RANBP2: variants seen among roughly 807,000 people sequenced by gnomAD.
The protein encoded by RANBP2 is E3 SUMO-protein ligase RanBP2.
A neutral mutation model predicts 303.6 loss-of-function variants in RANBP2; 57 were observed. The observed-to-expected ratio is 0.19, with a 90% CI of 0.15 to 0.23. The LOEUF (loss-of-function observed/expected upper bound fraction) is 0.23. Ranked by LOEUF, RANBP2 falls within the 10% of genes least tolerant of loss-of-function variation. The pLI is 1.00. For missense variants in RANBP2, 3,138 were observed against 3,780.8 expected (o/e 0.83, Z 4.46); for synonymous variants, 1,167 against 1,301.5 (o/e 0.90, Z 2.23).
At chr2:109,677,973 G>A in the RANBP2 span, among the ~76,000 whole-genome samples, 2 of 152,214 alleles carry the variant, frequency 1.3e-5, no homozygotes, top group Non-Finnish European at 2.9e-5. Context: ...GAATGCCTGT[G>A]ACCAGAGGGG....
chr2:108,811,601 C>A, the RANBP2 span, among the ~76,000 whole-genome samples: 1 of 151,900 alleles, frequency 6.6e-6, no homozygotes, highest in Non-Finnish European at 1.5e-5. Context: ...TTCAAAAAGC[C>A]ACTTTTCATT....
chr2:109,553,109 A>G, the RANBP2 span: 1 of 1,613,140 alleles, frequency 6.2e-7, no homozygotes. Context: ...TTCTTTCAAT[A>G]TGGCTTCTTT....
At chr2:108,857,015 T>C in the RANBP2 span, 1 of 1,176,416 alleles carries the variant, frequency 8.5e-7, no homozygotes, top group Non-Finnish European at 1.2e-6. Flanking sequence ...AGGATGATTT[T>C]TCTGTCTTTA....
the RANBP2 span, among the ~76,000 whole-genome samples, chr2:108,831,059 C>T: frequency 0.06 from 9,196 of 152,072 alleles, 649 homozygotes; most frequent in African/African-American, 0.17. Context: ...ACTGTAATCC[C>T]AGCTACTCAT....
the RANBP2 span, among the ~76,000 whole-genome samples, chr2:109,148,189 C>T: frequency 3.9e-5 from 6 of 152,346 alleles, no homozygotes; most frequent in South Asian, 6.2e-4. Context: ...ACCTGGCTCT[C>T]CCACCTGCCT....
At chr2:109,171,479 A>G in the RANBP2 span, among the ~76,000 whole-genome samples, 1 of 152,136 alleles carries the variant, frequency 6.6e-6, no homozygotes, top group South Asian at 2.1e-4. Context: ...TTGCCCCCCT[A>G]CCCCGACCCC....
chr2:109,502,404 G>A, the RANBP2 span: 1 of 152,120 alleles, frequency 6.6e-6, no homozygotes, highest in East Asian at 1.9e-4. Flanking sequence ...CATACATCTG[G>A]TGCTGCCTTT....
the RANBP2 span, among the ~76,000 whole-genome samples, chr2:109,598,177 C>T: frequency 6.6e-6 from 1 of 152,022 alleles, no homozygotes; most frequent in Non-Finnish European, 1.5e-5. Context: ...ATTTGTCTGC[C>T]TCAGCCTCCC....
the RANBP2 span, among the ~76,000 whole-genome samples, chr2:108,932,839 C>T: frequency 3.3e-5 from 5 of 152,142 alleles, no homozygotes; most frequent in East Asian, 3.9e-4. Flanking sequence ...TCTTCCCATC[C>T]GAGGCAGACA....
chr2:109,252,601 C>T, the RANBP2 span, among the ~76,000 whole-genome samples: 3 of 152,158 alleles, frequency 2.0e-5, no homozygotes, highest in African/African-American at 7.2e-5. Flanking sequence ...GGATTATGTC[C>T]TGATAAACCC....
the RANBP2 span, chr2:109,732,670 A>C: frequency 1.1e-5 from 6 of 561,180 alleles, no homozygotes; most frequent in African/African-American, 7.6e-5. Context: ...GGGTTTCATC[A>C]TGTTGGCCAG....
the RANBP2 span, among the ~76,000 whole-genome samples, chr2:108,946,814 TG>T: frequency 3.8e-3 from 576 of 152,234 alleles, 1 homozygote; most frequent in African/African-American, 0.013. Flanking sequence ...CCTTGACACA[TG>T]GGAATTACAA....
chr2:109,409,374 C>T, the RANBP2 span, among the ~76,000 whole-genome samples: 1 of 152,322 alleles, frequency 6.6e-6, no homozygotes, highest in South Asian at 2.1e-4. Context: ...CTCAGCTCCA[C>T]CCTGCAGTAT....
At chr2:109,228,388 G>A in the RANBP2 span, among the ~76,000 whole-genome samples, 3 of 152,170 alleles carry the variant, frequency 2.0e-5, no homozygotes, top group African/African-American at 7.2e-5. Flanking sequence ...ACCCTGTAGA[G>A]GAAAACCAAC....
chr2:108,755,238 C>T lies in RANBP2; in HGVS notation c.2445C>T (p.Cys815=), dbSNP rs749181605. Residue 815 remains cysteine (C), a synonymous_variant, in exon 17 of 29, where the codon TGC becomes TGT. Transcript: ENST00000283195. ...AGAATTCTTTACTGAAAATGATTTG[C>T]CAACAAGTAGAGGCCATTAAGGTAA... ...EDQNSLLKMI[C]QQVEAIKKEM... The T allele has an allele frequency of 1.9e-6, 3 of 1,611,850 alleles. No homozygotes were observed. The highest frequency in any genetic ancestry group is 2.2e-5 in the South Asian group (2 of 90,980).
chr2:109,564,463 G>C, the RANBP2 span: 1 of 1,591,658 alleles, frequency 6.3e-7, no homozygotes, highest in Non-Finnish European at 8.6e-7. Flanking sequence ...GTCTGCTCTC[G>C]CAGGTCCTCC....
At chr2:109,644,432 C>T in the RANBP2 span, among the ~76,000 whole-genome samples, 1 of 152,164 alleles carries the variant, frequency 6.6e-6, no homozygotes, top group Non-Finnish European at 1.5e-5. Flanking sequence ...ATGCCTCGGG[C>T]GGTTCCAATG....
In RANBP2 at chr2:108,764,175, A is replaced by G. The variant is rs761601881; in HGVS notation, c.3636A>G (p.Lys1212=). Residue 1212 remains lysine, a synonymous_variant, in exon 20 of 29, where the codon AAA becomes AAG. Transcript: ENST00000283195. The stretch of plus-strand genomic sequence containing the variant: ...TCGATGTAGAATCCAAAGAATGGAA[A>G]GAACGTGGGATTGGCAATGTAAAAA... The part of the protein sequence containing the change: ...FRFDVESKEW[K]ERGIGNVKIL... The G allele has an allele frequency of 6.2e-7, 1 of 1,614,102 alleles. No individual in the cohort carries two copies. Among genetic ancestry groups the G allele is most frequent in the South Asian group, 1.1e-5 (1 of 91,090 alleles).
At chr2:109,218,085 G>C in the RANBP2 span, among the ~76,000 whole-genome samples, 9 of 152,032 alleles carry the variant, frequency 5.9e-5, no homozygotes, top group Non-Finnish European at 1.2e-4. Flanking sequence ...TGTGGTAAGA[G>C]TAGTCAATAG....
Sources: gnomAD v4.1 joint callset for allele counts (sites outside exome capture counted in the v4.1 genomes callset) on GRCh38, gnomAD v4.1.1 for gene constraint, MANE v1.5 for transcripts, NCBI Gene and HGNC (gene_info 2026-07-23, HGNC 2026-07-21) for gene names.